Variants in LRRC19 observed in about 807,000 individuals in gnomAD.
LRRC19 encodes the protein leucine rich repeat containing 19, also known as leucine-rich repeat-containing protein 19.
A neutral mutation model predicts 33.3 loss-of-function variants in LRRC19; 33 were observed. That is an observed-to-expected ratio of 0.99 (90% CI 0.75 to 1.33). The LOEUF (loss-of-function observed/expected upper bound fraction) is 1.33. Among genes scored for constraint, LRRC19 ranks in the 40% most tolerant of loss-of-function variants. The pLI is 0.00. For missense variants in LRRC19, 463 were observed against 417.3 expected, an observed-to-expected ratio of 1.11 and a Z score of -0.95; for synonymous variants, 184 against 152.3, an observed-to-expected ratio of 1.21 and a Z score of -1.53.
chr9:26,999,210 A>T (rs1326843687), intron 2 of LRRC19, among the ~76,000 whole-genome samples: 2 of 152,252 alleles, frequency 1.3e-5, no homozygotes, highest in African/African-American at 4.8e-5. Context: ...TTTACTGAAC[A>T]GTAAACTAAG....
intron 1 of LRRC19, among the ~76,000 whole-genome samples, chr9:27,000,206 TC>T (rs1182754969): frequency 6.6e-6 from 1 of 152,198 alleles, no homozygotes; most frequent in Non-Finnish European, 1.5e-5. Context: ...TTCTATTTTT[TC>T]TTTTTAGAGA....
intron 1 of LRRC19, among the ~76,000 whole-genome samples, chr9:27,005,149 C>G (rs1046589039): frequency 4.0e-5 from 6 of 151,286 alleles, no homozygotes; most frequent in African/African-American, 1.5e-4. Context: ...AGATTTAAAA[C>G]CTTTTTGTAA....
chr9:26,997,311 A>C (rs1828210710), intron 3 of LRRC19, among the ~76,000 whole-genome samples: 1 of 150,948 alleles, frequency 6.6e-6, no homozygotes, highest in African/African-American at 2.4e-5. Context: ...TTTTGCTTAA[A>C]CAGAAATTGT....
chr9:26,998,355 C>T (rs1252971069), intron 2 of LRRC19, 114 bp from the exon 3 acceptor site: 2 of 600,568 alleles, frequency 3.3e-6, no homozygotes, highest in Non-Finnish European at 5.3e-6. Context: ...GGAAAAAAAC[C>T]TACTATCTAA....
At chr9:27,005,239 T>C (rs1828705414) in intron 1 of LRRC19, among the ~76,000 whole-genome samples, 1 of 151,720 alleles carries the variant, frequency 6.6e-6, no homozygotes, top group African/African-American at 2.4e-5. Flanking sequence ...ATGGCCAGTC[T>C]TTTTTTTATC....
chr9:27,003,255 G>C (rs1360812658), intron 1 of LRRC19, among the ~76,000 whole-genome samples: 2 of 151,976 alleles, frequency 1.3e-5, no homozygotes, highest in Non-Finnish European at 2.9e-5. Flanking sequence ...AGGTGCAGTG[G>C]CTCACGCCTG....
In LRRC19 at chr9:26,997,956, G is replaced by A. The variant is rs944683606; in HGVS notation, c.367C>T (p.Leu123=). 6.2e-7 allele frequency: 1 copy of A among 1,613,702 alleles called. No individual in the cohort carries two copies. Among genetic ancestry groups the A allele is most frequent in the African/African-American group, 1.3e-5 (1 of 74,836 alleles). The part of the protein sequence containing the change: ...QQGAFLGLNK[L]KQLYLCQNKI... ...TTTTGGCAGAGATATAACTGTTTTAGTTTATTTAAGCCTAAAAATGCACCC... is the reference window on the plus strand; with the variant it reads ...TTTTGGCAGAGATATAACTGTTTTAATTTATTTAAGCCTAAAAATGCACCC... Residue 123 remains leucine (L), a synonymous_variant, in exon 3 of 5, where the codon CTA becomes TTA. Transcript: ENST00000380055.
chr9:27,002,428 A>AGGTCTTAT (rs1302908427), intron 1 of LRRC19, among the ~76,000 whole-genome samples: 4 of 152,192 alleles, frequency 2.6e-5, no homozygotes, highest in African/African-American at 9.7e-5. Flanking sequence ...TTATAGTTTG[A>AGGTCTTAT]GGTCTTATTA....
intron 3 of LRRC19, among the ~76,000 whole-genome samples, 162 bp from the exon 4 acceptor site, chr9:26,996,661 C>T (rs996267907): frequency 6.6e-6 from 1 of 152,052 alleles, no homozygotes; most frequent in Non-Finnish European, 1.5e-5. Context: ...GAATGATGCA[C>T]ATTTCTGTTT....
intron 1 of LRRC19, among the ~76,000 whole-genome samples, chr9:27,005,357 C>CCCG (rs1828717404): frequency 2.1e-5 from 1 of 47,736 alleles, no homozygotes; most frequent in African/African-American, 7.5e-5. Flanking sequence ...CCATTTCCCC[C>CCCG]CCCGCCCCCC....
At position 26,998,031 on chromosome 9, in the gene LRRC19, T is replaced by A. The variant is rs1828257981; in HGVS notation, c.292A>T (p.Ser98Cys). ...LHNNGFGNLS[S>C]LEILNICRNS... ...CTACAGATATTTAAAATTTCTAGAC[T>A]GGAGAGGTTACCAAAACCGTTATTA... The change falls in exon 3 of 5, where the codon AGT becomes TGT. Residue 98 changes from serine to cysteine, a missense_variant. Coordinates refer to ENST00000380055, the MANE Select transcript of LRRC19 (RefSeq NM_022901.3). 7 of 1,613,754 alleles carry A rather than the reference T, an allele frequency of 4.3e-6. No individual in the cohort carries two copies. The highest frequency in any genetic ancestry group is 5.9e-6 in the Non-Finnish European group (7 of 1,179,864).
chr9:26,995,580 C>G lies in LRRC19; in HGVS notation c.1054G>C (p.Asp352His). 1 of 1,599,916 alleles carries G rather than the reference C, an allele frequency of 6.3e-7. No individual in the cohort carries two copies. Among genetic ancestry groups the G allele is most frequent in the Non-Finnish European group, 8.6e-7 (1 of 1,167,630 alleles). The change falls in exon 5 of 5, where the codon GAT becomes CAT. Residue 352 changes from aspartate (D) to histidine (H), a missense_variant. By Grantham distance (81) the Asp-to-His change is moderately conservative. Coordinates refer to ENST00000380055, the MANE Select transcript of LRRC19 (RefSeq NM_022901.3). ...FEQLHSFVVD[D>H]DGFIEDKYID... is the part of the protein sequence containing the mutation. ...TATTTGTCTTCAATAAATCCATCAT[C>G]ATCTACCACAAATGAATGTAATTGT...
intron 1 of LRRC19, among the ~76,000 whole-genome samples, chr9:27,000,955 C>T (rs1321743938): frequency 1.3e-5 from 2 of 152,110 alleles, no homozygotes; most frequent in Non-Finnish European, 2.9e-5. Flanking sequence ...TGCATTCCTC[C>T]CTCCCTACCA....
At position 26,993,486 on chromosome 9, in the gene LRRC19, C is replaced by T. The variant is rs1827981040; in HGVS notation, c.*2035G>A. 6.6e-6 allele frequency: 1 copy of T among 152,358 alleles called. No homozygotes were observed. The highest frequency in any genetic ancestry group is 1.5e-5 in the Non-Finnish European group (1 of 67,952). The allele number at this position is 152,358 out of a possible 1,614,324, so 9.4% of individuals were successfully genotyped here. A position where few individuals can be genotyped will look rare whatever the true frequency, so the allele number is the denominator to read the frequency against. On this transcript the variant is annotated 3_prime_UTR_variant, in exon 5 of 5. Transcript: ENST00000380055. ...AATATGTATTATAAATTAGTAAGTT[C>T]TTCTATTTTACAGGTATATCATCCT... is the stretch of plus-strand genomic sequence containing the variant.
In LRRC19 at chr9:26,996,334, G is replaced by T; in HGVS notation, c.761C>A (p.Ser254Ter). The T allele has an allele frequency of 6.3e-7, 1 of 1,597,528 alleles. No individual in the cohort carries two copies. Residue 254 changes from serine to a stop codon, truncating the protein, a stop_gained, in exon 4 of 5, where the codon TCG (serine) becomes TAG (stop). Transcript: ENST00000380055. LOFTEE classifies it high-confidence loss of function. The stretch of plus-strand genomic sequence containing the variant: ...ACCTGAATTTCTTGTTAAGTTGTTC[G>T]AAGAGCTATTAAATATTGAATTGCT... ...PISNSIFNSS[S>*]NNLTRNSEHE...
chr9:26,999,019 C>A (rs542698462), intron 2 of LRRC19, among the ~76,000 whole-genome samples: 13 of 152,220 alleles, frequency 8.5e-5, no homozygotes, highest in South Asian at 2.1e-4. Flanking sequence ...ATCAATCAGT[C>A]TGAATAAACT....
At chr9:27,001,666 G>C (rs760186173) in intron 1 of LRRC19, among the ~76,000 whole-genome samples, 2 of 151,804 alleles carry the variant, frequency 1.3e-5, no homozygotes, top group African/African-American at 2.4e-5. Context: ...GTTTTTTATC[G>C]GTTTGTTTTT....
rs1423110941 is a variant in LRRC19 at position 26,995,316 on chromosome 9, C to G, written c.*205G>C. Reference sequence around the variant, plus strand: ...AGTGCTAGTATTGTAGACTATGTAACTGTCAACTACCGAGGAGTGTCAGTT... The same window carrying G: ...AGTGCTAGTATTGTAGACTATGTAAGTGTCAACTACCGAGGAGTGTCAGTT... On this transcript the variant is annotated 3_prime_UTR_variant, in exon 5 of 5. Coordinates refer to ENST00000380055, the MANE Select transcript of LRRC19 (RefSeq NM_022901.3). 4.2e-6 allele frequency: 2 copies of G among 473,812 alleles called. No homozygotes were observed. Among genetic ancestry groups the G allele is most frequent in the African/African-American group, 3.9e-5 (2 of 51,694 alleles). 29.4% of individuals were successfully genotyped at this position (473,812 alleles called of 1,614,324 possible). A position where few individuals can be genotyped will look rare whatever the true frequency, so the allele number is the denominator to read the frequency against.
chr9:27,001,603 G>A lies in LRRC19; in HGVS notation c.-9-1900C>T, dbSNP rs563118238. On this transcript the variant is annotated intron_variant, in intron 1 of 4. Coordinates refer to ENST00000380055, the MANE Select transcript of LRRC19 (RefSeq NM_022901.3). ...CCACATACTTGTTTGTCTTTTGTGT[G>A]TTTTTTGAGAAATATCTATTCAGTT... is the stretch of plus-strand genomic sequence containing the variant. Among the ~76,000 whole-genome samples, 7 of 152,118 alleles carry A rather than the reference G, an allele frequency of 4.6e-5. No homozygotes were observed. The East Asian group carries it at 1.4e-3, about 29-fold the overall frequency.
Sources: allele counts gnomAD v4.1 joint callset (sites outside exome capture counted in the v4.1 genomes callset), GRCh38; gene constraint gnomAD v4.1.1; transcripts MANE v1.5; gene names NCBI Gene and HGNC (gene_info 2026-07-23, HGNC 2026-07-21).